PLXNA4: variants seen among roughly 807,000 people sequenced by gnomAD.
The protein encoded by PLXNA4 is plexin-A4.
Under a neutral mutation model 191.8 loss-of-function variants are expected in PLXNA4, and 44 were observed. The observed-to-expected ratio is 0.23, with a 90% CI of 0.18 to 0.29. The LOEUF (loss-of-function observed/expected upper bound fraction) is 0.29. Ranked by LOEUF, PLXNA4 falls within the 10% of genes least tolerant of loss-of-function variation. PLXNA4 has a pLI of 1.00. For synonymous variants in PLXNA4, 1,082 were observed against 1,009.5 expected, an observed-to-expected ratio of 1.07 and a Z score of -1.36; for missense variants, 1,800 against 2,488.8, an observed-to-expected ratio of 0.72 and a Z score of 5.89.
At chr7:132,577,601 A>C (rs1802309801), upstream of PLXNA4, among the ~76,000 whole-genome samples, 1 of 151,694 alleles carries the variant, frequency 6.6e-6, no homozygotes, top group Non-Finnish European at 1.5e-5. Context: ...CTCCGCACCA[A>C]CGTTTGCCGA....
chr7:132,432,511 T>C (rs193297835), intron 3 of PLXNA4, among the ~76,000 whole-genome samples: 21 of 152,278 alleles, frequency 1.4e-4, no homozygotes, highest in Admixed American at 1.3e-3. Flanking sequence ...TCCCACTCCT[T>C]GGTTCCAAGG....
Position 132,304,800 on chromosome 7 carries a change from C to G in PLXNA4, c.1372-6578G>C, listed in dbSNP as rs183301164. On this transcript the variant is annotated intron_variant, in intron 3 of 31. Transcript: ENST00000321063. ...CAACCCCAACCGGCCCTCCCTCCCC[C>G]CTGTCCTCTGCTGCAACCCCTTTGT... is the stretch of plus-strand genomic sequence containing the variant. Among the ~76,000 whole-genome samples, 1,267 of 152,204 alleles carry G rather than the reference C, an allele frequency of 8.3e-3. 18 individuals carry two copies. The highest frequency in any genetic ancestry group is 0.029 in the African/African-American group (1,187 of 41,488).
chr7:132,365,844 C>G (rs1420853646), intron 3 of PLXNA4: 3 of 152,160 alleles, frequency 2.0e-5, no homozygotes, highest in African/African-American at 7.2e-5. Context: ...TGTCCTGCCC[C>G]CTCTGCTTTC....
chr7:132,610,747 T>A (rs954079749), intron 2 of PLXNA4, among the ~76,000 whole-genome samples: 1 of 152,252 alleles, frequency 6.6e-6, no homozygotes, highest in Admixed American at 6.5e-5. Flanking sequence ...TCCATTCATT[T>A]GCCTAAGGCT....
At chr7:132,284,428 A>G (rs914569760) in intron 4 of PLXNA4, among the ~76,000 whole-genome samples, 1 of 152,220 alleles carries the variant, frequency 6.6e-6, no homozygotes, top group Non-Finnish European at 1.5e-5. Flanking sequence ...CTTTAATGAG[A>G]GTGAACATTT....
At chr7:132,248,263 C>G (rs891381996) in intron 4 of PLXNA4, among the ~76,000 whole-genome samples, 4 of 152,340 alleles carry the variant, frequency 2.6e-5, no homozygotes, top group Middle Eastern at 6.8e-3. Context: ...AGCCAGGAGA[C>G]AACCCTGGCT....
rs918009709 is a variant in PLXNA4, at chr7:132,187,508, C to A, written c.2956G>T (p.Val986Leu). The change falls in exon 15 of 32, where the codon GTG (valine) becomes TTG (leucine). Residue 986 changes from valine (V) to leucine (L), a missense_variant. Physicochemically the swap from Val to Leu is conservative, Grantham distance 32. Coordinates refer to ENST00000321063, the MANE Select transcript of PLXNA4 (RefSeq NM_020911.2). ...GTNLNAGSNV[V>L]VMFGKQPCLF... ...CAGGGCTGCTTTCCAAACATCACCA[C>A]CACGTTGCTTCCGGCATTCAGGTTG... 6.2e-7 allele frequency: 1 copy of A among 1,614,144 alleles called. No individual in the cohort carries two copies. Among genetic ancestry groups the A allele is most frequent in the Non-Finnish European group, 8.5e-7 (1 of 1,180,002 alleles).
chr7:132,564,018 CCTTCTCCTCCTCCTTCTCCTCCTT>C (rs1801571867), intron 1 of PLXNA4, among the ~76,000 whole-genome samples: 11 of 36,680 alleles, frequency 3.0e-4, no homozygotes, highest in Non-Finnish European at 4.6e-4. Context: ...TTCTCCTCCT[CCTTCTCCTCCTCCTTCTCCTCCTT>C]TTCCTCCCCC....
chr7:132,516,898 G>A lies in PLXNA4; in HGVS notation c.-86-8119C>T, dbSNP rs190086282. Reference sequence around the variant, plus strand: ...GAGCTCAGGAGGCAGAGGTTGCAGCGGTGAGCCGAGATTGTGCCACTGCAC... The same window carrying A: ...GAGCTCAGGAGGCAGAGGTTGCAGCAGTGAGCCGAGATTGTGCCACTGCAC... On this transcript the variant is annotated intron_variant, in intron 1 of 31. Coordinates refer to ENST00000321063, the MANE Select transcript of PLXNA4 (RefSeq NM_020911.2). 5.1e-3 allele frequency among the ~76,000 whole-genome samples: 773 copies of A among 152,236 alleles called. 3 individuals are homozygous for A. The highest frequency in any genetic ancestry group is 0.041 in the Middle Eastern group (12 of 294).
intron 14 of PLXNA4, among the ~76,000 whole-genome samples, chr7:132,189,606 T>TG (rs1797025194): frequency 6.6e-6 from 1 of 152,128 alleles, no homozygotes; most frequent in Admixed American, 6.5e-5. Context: ...CCCCAAGTCC[T>TG]GGGGAAAGAG....
At chr7:132,140,283 G>T (rs530751221) in intron 30 of PLXNA4, among the ~76,000 whole-genome samples, 1 of 152,244 alleles carries the variant, frequency 6.6e-6, no homozygotes, top group East Asian at 1.9e-4. Flanking sequence ...TTTTTTGGGG[G>T]GTGGGTGGTG....
intron 3 of PLXNA4, among the ~76,000 whole-genome samples, chr7:132,457,312 C>T (rs1477037043): frequency 1.3e-5 from 2 of 152,212 alleles, no homozygotes; most frequent in East Asian, 1.9e-4. Context: ...TATTTTTCTT[C>T]CTATCCATTT....
intron 2 of PLXNA4, among the ~76,000 whole-genome samples, chr7:132,634,618 T>C (rs1275388724): frequency 2.0e-5 from 3 of 152,232 alleles, no homozygotes; most frequent in Non-Finnish European, 4.4e-5. Context: ...GCACATGCTG[T>C]TCTCTCTGAA....
intron 30 of PLXNA4, among the ~76,000 whole-genome samples, chr7:132,138,194 AG>A (rs537127440): frequency 2.0e-5 from 3 of 152,312 alleles, no homozygotes; most frequent in South Asian, 4.1e-4. Context: ...GTGATGGTGC[AG>A]AAAACCTTCC....
intron 3 of PLXNA4, among the ~76,000 whole-genome samples, chr7:132,465,048 G>A (rs1255700227): frequency 6.6e-6 from 1 of 152,220 alleles, no homozygotes; most frequent in Admixed American, 6.5e-5. Flanking sequence ...TCTATGGGGA[G>A]GGTGAATGAT....
chr7:132,198,627 C>G lies in PLXNA4; in HGVS notation c.2596G>C (p.Val866Leu), dbSNP rs776688433. The part of the protein sequence containing the change: ...TNPRITEIIP[V>L]TGPREGGTKV... ...GTGCCCCCTTCCCGGGGGCCTGTCA[C>G]CGGGATTATCTGGAGGGAGGAAGAG... The change falls in exon 13 of 32, where the codon GTG becomes CTG. Residue 866 changes from valine to leucine, a missense_variant. Transcript: ENST00000321063. The G allele has an allele frequency of 1.2e-6, 2 of 1,614,108 alleles. No individual in the cohort carries two copies. The highest frequency in any genetic ancestry group is 2.2e-5 in the South Asian group (2 of 91,078).
At chr7:132,315,193 G>A (rs73157288) in intron 3 of PLXNA4, among the ~76,000 whole-genome samples, 9 of 152,234 alleles carry the variant, frequency 5.9e-5, no homozygotes, top group Non-Finnish European at 1.0e-4. Context: ...CTTTCACTCC[G>A]GTCTGTTCTG....
At chr7:132,260,051 C>A (rs572953484) in intron 4 of PLXNA4, among the ~76,000 whole-genome samples, 22 of 152,126 alleles carry the variant, frequency 1.4e-4, no homozygotes, top group Admixed American at 3.3e-4. Context: ...CACTGATGCA[C>A]TATCGGTGGG....
chr7:132,222,946 C>G (rs146680648), intron 9 of PLXNA4, among the ~76,000 whole-genome samples: 3 of 152,226 alleles, frequency 2.0e-5, no homozygotes, highest in Non-Finnish European at 2.9e-5. Flanking sequence ...ACCCTGCCCC[C>G]GGAGCTTCTC....
Sources: allele counts gnomAD v4.1 joint callset (sites outside exome capture counted in the v4.1 genomes callset), GRCh38; gene constraint gnomAD v4.1.1; transcripts MANE v1.5; gene names NCBI Gene and HGNC (gene_info 2026-07-23, HGNC 2026-07-21).